The following IGF2BP1 variants were observed in gnomAD, a reference collection of about 807,000 sequenced individuals.
IGF2BP1 encodes the protein insulin like growth factor 2 mRNA binding protein 1, also known as insulin-like growth factor 2 mRNA-binding protein 1.
In IGF2BP1, 11 loss-of-function variants were observed where a neutral mutation model predicts 74.9. The ratio of observed to expected loss-of-function variants is 0.15; its 90% CI spans 0.09 to 0.24. The LOEUF (loss-of-function observed/expected upper bound fraction) is 0.24, where lower values mean the gene tolerates loss of function less well. Ranked by LOEUF, IGF2BP1 falls within the 10% of genes least tolerant of loss-of-function variation. IGF2BP1 has a pLI of 1.00. For synonymous variants in IGF2BP1, 287 were observed against 281.8 expected (o/e 1.02, Z -0.18); for missense variants, 440 against 757.4 (o/e 0.58, Z 4.92).
intron 2 of IGF2BP1, among the ~76,000 whole-genome samples, chr17:49,020,888 G>T (rs1598138343): frequency 6.6e-6 from 1 of 151,726 alleles, no homozygotes; most frequent in East Asian, 1.9e-4. Context: ...CACTTTGGGA[G>T]CTGAGGTGGG....
rs1327612103 is a variant in IGF2BP1 at position 49,053,151 on chromosome 17, TC to T, written c.*3709del. On this transcript the variant is annotated 3_prime_UTR_variant, in exon 15 of 15. Transcript: ENST00000290341. Reference sequence around the variant, plus strand: ...TCTTTTTTCCTTTTTCCTGACCCCCTCCTTCTGGAGGCAGTTGGGAGCTATC... The same window carrying T: ...TCTTTTTTCCTTTTTCCTGACCCCCTCTTCTGGAGGCAGTTGGGAGCTATC... 6 of 152,530 alleles carry T rather than the reference TC, an allele frequency of 3.9e-5. No homozygotes were observed. The highest frequency in any genetic ancestry group is 8.8e-5 in the Non-Finnish European group (6 of 68,058). The allele number at this position is 152,530 out of a possible 1,614,324, so 9.4% of individuals were successfully genotyped here. A position where few individuals can be genotyped will look rare whatever the true frequency, so the allele number is the denominator to read the frequency against.
Position 49,013,911 on chromosome 17 carries a change from C to CGAGACCGTGCG in IGF2BP1, c.237-11703_237-11693dup, listed in dbSNP as rs2041656470. Reference sequence around the variant, plus strand: ...AAGGGGGCTTTGGCGGTAGAACATTCGAGACCGTGCGGAGCCCTGTAGCGG... The same window carrying CGAGACCGTGCG: ...AAGGGGGCTTTGGCGGTAGAACATTCGAGACCGTGCGGAGACCGTGCGGAGCCCTGTAGCGG... On this transcript the variant is annotated intron_variant, in intron 2 of 14. Coordinates refer to ENST00000290341, the MANE Select transcript of IGF2BP1 (RefSeq NM_006546.4). The CGAGACCGTGCG allele has an allele frequency of 2.0e-5, 3 of 152,392 alleles. 1 individual carries two copies. The South Asian group carries it at 6.2e-4, about 31-fold the overall frequency. 9.4% of individuals were successfully genotyped at this position (152,392 alleles called of 1,614,324 possible). A position where few individuals can be genotyped will look rare whatever the true frequency, so the allele number is the denominator to read the frequency against.
At chr17:49,020,723 C>T (rs1035010605) in intron 2 of IGF2BP1, among the ~76,000 whole-genome samples, 2 of 152,170 alleles carry the variant, frequency 1.3e-5, no homozygotes, top group African/African-American at 4.8e-5. Flanking sequence ...CAAAACATCC[C>T]ACCTATAATT....
At chr17:49,010,409 C>A (rs1235863758) in intron 2 of IGF2BP1, among the ~76,000 whole-genome samples, 1 of 150,096 alleles carries the variant, frequency 6.7e-6, no homozygotes, top group Non-Finnish European at 1.5e-5. Flanking sequence ...CTCCGCCTCC[C>A]GGGTTCACGT....
chr17:49,036,316 A>C (rs1348217915), intron 5 of IGF2BP1: 1 of 151,688 alleles, frequency 6.6e-6, no homozygotes, highest in African/African-American at 2.4e-5. Flanking sequence ...GTCTCTGGAG[A>C]CTCTGGAAGG....
chr17:49,004,160 C>G (rs2041519362), intron 2 of IGF2BP1, among the ~76,000 whole-genome samples: 1 of 152,146 alleles, frequency 6.6e-6, no homozygotes, highest in African/African-American at 2.4e-5. Context: ...AGAGAACATC[C>G]GCTGGCCTGG....
rs1030626141 is a variant in IGF2BP1, at chr17:49,054,273, A to G, written c.*4829A>G. 6 of 152,502 alleles carry G rather than the reference A, an allele frequency of 3.9e-5. No individual in the cohort carries two copies. Among genetic ancestry groups the G allele is most frequent in the African/African-American group, 1.2e-4 (5 of 41,410 alleles). The allele number at this position is 152,502 out of a possible 1,614,324, so 9.4% of individuals were successfully genotyped here. A position where few individuals can be genotyped will look rare whatever the true frequency, so the allele number is the denominator to read the frequency against. Reference sequence around the variant, plus strand: ...ACTCCGGATGGACAAAAGAAAAAAAATTTTTTTTCTTGAATGAAATAGCAG... The same window carrying G: ...ACTCCGGATGGACAAAAGAAAAAAAGTTTTTTTTCTTGAATGAAATAGCAG... On this transcript the variant is annotated 3_prime_UTR_variant, in exon 15 of 15. Transcript: ENST00000290341.
In IGF2BP1 at chr17:49,039,939, T is replaced by C. The variant is rs2042031997; in HGVS notation, c.684-18T>C. On this transcript the variant is annotated intron_variant, in intron 6 of 14. Coordinates refer to ENST00000290341, the MANE Select transcript of IGF2BP1 (RefSeq NM_006546.4). ...ATCACTGGGGACAACTAACCAGCCTTGTCCTTGTGGCCCCCAGGATAGACG... is the reference window on the plus strand; with the variant it reads ...ATCACTGGGGACAACTAACCAGCCTCGTCCTTGTGGCCCCCAGGATAGACG... 3.7e-6 allele frequency: 6 copies of C among 1,611,890 alleles called. No individual in the cohort carries two copies. Among genetic ancestry groups the C allele is most frequent in the Non-Finnish European group, 5.1e-6 (6 of 1,179,790 alleles).
At chr17:49,018,866 T>G (rs753366910) in intron 2 of IGF2BP1, among the ~76,000 whole-genome samples, 19 of 152,190 alleles carry the variant, frequency 1.2e-4, no homozygotes, top group Non-Finnish European at 2.2e-4. Context: ...GCCAGAAGCT[T>G]GGCCTGGGGG....
chr17:49,049,555 C>G lies in IGF2BP1; in HGVS notation c.*111C>G. ...GGGAATCCGGGACACCTGGGCCGGG[C>G]TGTAGATCAGGTTTGCCCACTTGAT... On this transcript the variant is annotated 3_prime_UTR_variant, in exon 15 of 15. Coordinates refer to ENST00000290341, the MANE Select transcript of IGF2BP1 (RefSeq NM_006546.4). 1.2e-6 allele frequency: 1 copy of G among 858,302 alleles called. No individual in the cohort carries two copies. Among genetic ancestry groups the G allele is most frequent in the Non-Finnish European group, 1.9e-6 (1 of 537,808 alleles). 53.2% of individuals were successfully genotyped at this position (858,302 alleles called of 1,614,324 possible).
At chr17:49,038,874 ATATT>A (rs2042017539) in intron 6 of IGF2BP1, among the ~76,000 whole-genome samples, 7 of 75,254 alleles carry the variant, frequency 9.3e-5, no homozygotes, top group Non-Finnish European at 5.5e-5. Context: ...TCTTTCTTTA[ATATT>A]TTTTTTTTTT....
At chr17:49,020,497 C>G (rs2041779067) in intron 2 of IGF2BP1, among the ~76,000 whole-genome samples, 1 of 152,190 alleles carries the variant, frequency 6.6e-6, no homozygotes, top group African/African-American at 2.4e-5. Flanking sequence ...AGTCACACAG[C>G]CATGCAGAAC....
chr17:49,025,544 A>G, intron 2 of IGF2BP1, 74 bp from the exon 3 acceptor site: 1 of 1,289,838 alleles, frequency 7.8e-7, no homozygotes, highest in Non-Finnish European at 1.1e-6. Flanking sequence ...TGGGGCAAGG[A>G]TTAGAAACTG....
Position 49,025,853 on chromosome 17 carries a change from C to CT in IGF2BP1, c.285+190dup, listed in dbSNP as rs749731111. On this transcript the variant is annotated intron_variant, in intron 3 of 14. Coordinates refer to ENST00000290341, the MANE Select transcript of IGF2BP1 (RefSeq NM_006546.4). ...TTTCTTCTTTTTCTTTCTTTCTTTT[C>CT]TTTCTTTTTTTTTTTTTTTGAGATG... 8.7e-3 allele frequency among the ~76,000 whole-genome samples: 1,217 copies of CT among 140,340 alleles called. 22 individuals are homozygous for CT. The highest frequency in any genetic ancestry group is 0.02 in the African/African-American group (706 of 35,756). The allele number at this position is 140,340 out of a possible 152,430, so 92.1% of individuals were successfully genotyped here. A position where few individuals can be genotyped will look rare whatever the true frequency, so the allele number is the denominator to read the frequency against.
intron 4 of IGF2BP1, 26 bp from the exon 5 acceptor site, chr17:49,031,884 G>T (rs573123278): frequency 6.2e-7 from 1 of 1,609,712 alleles, no homozygotes; most frequent in African/African-American, 1.3e-5. Context: ...TCCCTGCTCT[G>T]AGGTTATCCT....
Position 49,050,296 on chromosome 17 carries a change from G to T in IGF2BP1, c.*852G>T, listed in dbSNP as rs1317833025. 1 of 152,616 alleles carries T rather than the reference G, an allele frequency of 6.6e-6. No homozygotes were observed. The highest frequency in any genetic ancestry group is 2.4e-5 in the African/African-American group (1 of 41,442). The allele number at this position is 152,616 out of a possible 1,614,324, so 9.5% of individuals were successfully genotyped here. On this transcript the variant is annotated 3_prime_UTR_variant, in exon 15 of 15. Coordinates refer to ENST00000290341, the MANE Select transcript of IGF2BP1 (RefSeq NM_006546.4). Reference sequence around the variant, plus strand: ...GTATTGAATGCTCAGCAGGGTAGGGGCTGACCACTGTCCCTGATTCCCATC... The same window carrying T: ...GTATTGAATGCTCAGCAGGGTAGGGTCTGACCACTGTCCCTGATTCCCATC...
Position 49,043,927 on chromosome 17 carries a change from T to C in IGF2BP1, c.1201-40T>C, listed in dbSNP as rs748673994. On this transcript the variant is annotated intron_variant, in intron 10 of 14. Coordinates refer to ENST00000290341, the MANE Select transcript of IGF2BP1 (RefSeq NM_006546.4). Reference sequence around the variant, plus strand: ...GGAGTGGAGGGTTTCTGGGCCATGCTACTTGGGCCCCCTGGTAACAACGCC... The same window carrying C: ...GGAGTGGAGGGTTTCTGGGCCATGCCACTTGGGCCCCCTGGTAACAACGCC... 3 of 1,608,194 alleles carry C rather than the reference T, an allele frequency of 1.9e-6. No individual in the cohort carries two copies. The South Asian group carries it at 3.3e-5, about 18-fold the overall frequency.
At chr17:49,004,141 G>T (rs1440011722) in intron 2 of IGF2BP1, among the ~76,000 whole-genome samples, 1 of 152,148 alleles carries the variant, frequency 6.6e-6, no homozygotes, top group African/African-American at 2.4e-5. Context: ...CTCTTAACAA[G>T]CCCCTGACAG....
intron 11 of IGF2BP1, 55 bp from the exon 12 acceptor site, chr17:49,044,936 A>G (rs2144142874): frequency 1.4e-6 from 2 of 1,436,620 alleles, no homozygotes; most frequent in Non-Finnish European, 2.0e-6. Context: ...TGAAGTGGAC[A>G]TGGTGGGGGT....
Sources: gnomAD v4.1 joint callset for allele counts (sites outside exome capture counted in the v4.1 genomes callset) on GRCh38, gnomAD v4.1.1 for gene constraint, MANE v1.5 for transcripts, NCBI Gene and HGNC (gene_info 2026-07-23, HGNC 2026-07-21) for gene names.